Variants in PHC2 observed in about 807,000 individuals in gnomAD.
PHC2 encodes polyhomeotic-like protein 2.
Under a neutral mutation model 87.4 loss-of-function variants are expected in PHC2, and 29 were observed. That is an observed-to-expected ratio of 0.33 (90% CI 0.25 to 0.45). PHC2 has a LOEUF of 0.45. PHC2 is among the 20% of genes least tolerant of loss of function. The pLI, the probability that PHC2 is intolerant of heterozygous loss-of-function variation, is 1.00. For synonymous variants in PHC2, 438 were observed against 461.7 expected (o/e 0.95, Z 0.66); for missense variants, 857 against 1,136.7 (o/e 0.75, Z 3.54).
In PHC2 at chr1:33,324,338, TTCTC is replaced by T. The variant is rs1646326628; in HGVS notation, c.*523_*526del. 1 of 153,024 alleles carries T rather than the reference TTCTC, an allele frequency of 6.5e-6. No homozygotes were observed. Among genetic ancestry groups the T allele is most frequent in the African/African-American group, 2.4e-5 (1 of 41,452 alleles). The allele number at this position is 153,024 out of a possible 1,614,324, so 9.5% of individuals were successfully genotyped here. A position where few individuals can be genotyped will look rare whatever the true frequency, so the allele number is the denominator to read the frequency against. ...CAGGCACGGCCCGGCTGGGCCCAGC[TTCTC>T]TCTCTCCACCTGCAGAGGGTGTAGG... On this transcript the variant is annotated 3_prime_UTR_variant, in exon 15 of 15. Coordinates refer to ENST00000683057, the MANE Select transcript of PHC2 (RefSeq NM_001385109.1).
chr1:33,349,680 C>G lies in PHC2; in HGVS notation c.1558+4721G>C. On this transcript the variant is annotated intron_variant, in intron 9 of 14. Coordinates refer to ENST00000683057, the MANE Select transcript of PHC2 (RefSeq NM_001385109.1). The surrounding 1 kb of genome is among the most constrained non-coding windows in gnomAD (Gnocchi z 4.2). ...GCCGACTCGCGCGGGGTCCCGGGCC[C>G]GGGCGGGCCGCCTCCTCTCCGCCGG... is the stretch of plus-strand genomic sequence containing the variant. 1.0e-6 allele frequency: 1 copy of G among 984,094 alleles called. No individual in the cohort carries two copies. The highest frequency in any genetic ancestry group is 1.2e-6 in the Non-Finnish European group (1 of 830,534). 61.0% of individuals were successfully genotyped at this position (984,094 alleles called of 1,614,324 possible). A position where few individuals can be genotyped will look rare whatever the true frequency, so the allele number is the denominator to read the frequency against.
chr1:33,357,992 C>T lies in PHC2; in HGVS notation c.977-2739G>A, dbSNP rs540672493. Among the ~76,000 whole-genome samples, 9 of 152,226 alleles carry T rather than the reference C, an allele frequency of 5.9e-5. No individual in the cohort carries two copies. In the South Asian group the frequency reaches 6.2e-4, roughly 11 times the overall value. On this transcript the variant is annotated intron_variant, in intron 7 of 14. Coordinates refer to ENST00000683057, the MANE Select transcript of PHC2 (RefSeq NM_001385109.1). ...CATGCCCCACTACTTGCTGGCTGTGCGGCCTGAGACAAGGTACTCTTCTTT... is the reference window on the plus strand; with the variant it reads ...CATGCCCCACTACTTGCTGGCTGTGTGGCCTGAGACAAGGTACTCTTCTTT...
At chr1:33,425,506 C>T (rs1008522481) in intron 1 of PHC2, among the ~76,000 whole-genome samples, 2 of 152,158 alleles carry the variant, frequency 1.3e-5, no homozygotes, top group Non-Finnish European at 2.9e-5. Context: ...GACATGGTCC[C>T]TAGCAATTAT....
At chr1:33,414,861 T>C (rs1172325512) in intron 1 of PHC2, among the ~76,000 whole-genome samples, 5 of 152,234 alleles carry the variant, frequency 3.3e-5, no homozygotes, top group African/African-American at 7.2e-5. Flanking sequence ...GTAGTCAATA[T>C]GTAAGTTCTC....
chr1:33,401,060 C>T (rs1649501881), intron 1 of PHC2, among the ~76,000 whole-genome samples: 1 of 152,160 alleles, frequency 6.6e-6, no homozygotes, highest in Non-Finnish European at 1.5e-5. Flanking sequence ...GGCATGGTGG[C>T]TCACGTCTGT....
intron 4 of PHC2, 90 bp from the exon 5 acceptor site, chr1:33,370,675 C>T: frequency 6.8e-6 from 9 of 1,314,094 alleles, no homozygotes; most frequent in Admixed American, 6.5e-5. Flanking sequence ...CCCTCTTTTG[C>T]TCCTTGGTTT....
chr1:33,353,310 A>G (rs1647008387), intron 9 of PHC2: 1 of 152,216 alleles, frequency 6.6e-6, no homozygotes. Flanking sequence ...CTTATAATTC[A>G]CAAGACAGAA....
chr1:33,378,256 AT>A (rs1364916183), intron 1 of PHC2, among the ~76,000 whole-genome samples: 1 of 152,246 alleles, frequency 6.6e-6, no homozygotes, highest in Non-Finnish European at 1.5e-5. Flanking sequence ...ATTAGGCTGC[AT>A]AAAAAGTGGT....
chr1:33,389,607 C>T (rs894019310), intron 1 of PHC2, among the ~76,000 whole-genome samples: 3 of 152,078 alleles, frequency 2.0e-5, no homozygotes, highest in African/African-American at 7.2e-5. Context: ...TTCCAGAGTC[C>T]CCTGGGCCTA....
intron 9 of PHC2, chr1:33,336,464 TTTG>T (rs1009487249): frequency 1.3e-5 from 2 of 151,570 alleles, no homozygotes; most frequent in Non-Finnish European, 2.9e-5. Context: ...TGAAGTTTTT[TTTG>T]TTTGTTTGAG....
chr1:33,358,383 G>A (rs1191793058), intron 7 of PHC2, among the ~76,000 whole-genome samples: 1 of 152,122 alleles, frequency 6.6e-6, no homozygotes, highest in African/African-American at 2.4e-5. Context: ...TGGAAATCAA[G>A]CTCATAAGGC....
At chr1:33,422,449 T>C (rs1052041408) in intron 1 of PHC2, among the ~76,000 whole-genome samples, 1 of 152,172 alleles carries the variant, frequency 6.6e-6, no homozygotes, top group Admixed American at 6.5e-5. Flanking sequence ...AGAAGGATAC[T>C]AAAAGGATGG....
chr1:33,373,780 C>T (rs1372635653), intron 2 of PHC2, among the ~76,000 whole-genome samples: 4 of 152,136 alleles, frequency 2.6e-5, no homozygotes, highest in Admixed American at 2.0e-4. Flanking sequence ...ACAGGCAGCT[C>T]CTGACCCTGG....
At chr1:33,410,790 T>C (rs750463564) in intron 1 of PHC2, among the ~76,000 whole-genome samples, 3 of 152,236 alleles carry the variant, frequency 2.0e-5, no homozygotes, top group Non-Finnish European at 4.4e-5. Flanking sequence ...AAGCATTGAT[T>C]TTAAAATACC....
chr1:33,408,294 AC>A (rs1649844098), intron 1 of PHC2, among the ~76,000 whole-genome samples: 1 of 152,164 alleles, frequency 6.6e-6, no homozygotes, highest in Non-Finnish European at 1.5e-5. Context: ...TAAATCATCA[AC>A]CAATAAGAAA....
At chr1:33,352,380 T>C (rs1022472272) in intron 9 of PHC2, among the ~76,000 whole-genome samples, 3 of 152,178 alleles carry the variant, frequency 2.0e-5, no homozygotes, top group African/African-American at 7.2e-5. Context: ...CCACCACTTG[T>C]TTTTTTCTAT....
intron 9 of PHC2, chr1:33,345,562 T>G (rs1646830288): frequency 2.0e-6 from 2 of 985,190 alleles, no homozygotes; most frequent in African/African-American, 3.5e-5. Flanking sequence ...ACAATGAATC[T>G]CAGAGCAACG....
intron 1 of PHC2, among the ~76,000 whole-genome samples, chr1:33,419,633 G>A (rs867091262): frequency 7.7e-4 from 116 of 151,124 alleles, no homozygotes; most frequent in Admixed American, 4.0e-4. Flanking sequence ...TTTTTGAGAC[G>A]GAGTCTCGCT....
chr1:33,375,627 C>T, intron 1 of PHC2, 34 bp from the exon 2 acceptor site: 2 of 1,291,722 alleles, frequency 1.5e-6, no homozygotes, highest in South Asian at 1.7e-5. Context: ...AATGTTTTGA[C>T]AGACGCTTAC....
Sources: gnomAD v4.1 joint callset for allele counts (sites outside exome capture counted in the v4.1 genomes callset) on GRCh38, gnomAD v4.1.1 for gene constraint, Gnocchi (gnomAD v3.1) non-coding constraint, MANE v1.5 for transcripts, NCBI Gene and HGNC (gene_info 2026-07-23, HGNC 2026-07-21) for gene names.